Variants in CNTN4 observed in about 807,000 individuals in gnomAD.
CNTN4 encodes contactin 4, also known as contactin-4.
CNTN4 carries 77 observed loss-of-function variants against 122.5 expected under a neutral mutation model. That is an observed-to-expected ratio of 0.63 (90% CI 0.52 to 0.76). The LOEUF is 0.76. Ranked by LOEUF, CNTN4 falls within the 30% of genes least tolerant of loss-of-function variation. The pLI is 0.00. For missense variants in CNTN4, 1,256 were observed against 1,259.1 expected (o/e 1.00, Z 0.04); for synonymous variants, 512 against 447.0 (o/e 1.15, Z -1.83).
chr3:2,236,062 TTAAG>T (rs1182676741), intron 2 of CNTN4, among the ~76,000 whole-genome samples: 2 of 152,162 alleles, frequency 1.3e-5, no homozygotes, highest in Non-Finnish European at 2.9e-5. Context: ...TTGAGGGATG[TTAAG>T]TAAGTGCTTC....
chr3:2,657,131 G>C (rs1394140767), intron 4 of CNTN4, among the ~76,000 whole-genome samples: 1 of 152,182 alleles, frequency 6.6e-6, no homozygotes, highest in African/African-American at 2.4e-5. Context: ...ATGTCATGAA[G>C]TACTTGACCG....
At chr3:2,972,070 A>T (rs1692980531) in intron 13 of CNTN4, among the ~76,000 whole-genome samples, 1 of 152,178 alleles carries the variant, frequency 6.6e-6, no homozygotes, top group Non-Finnish European at 1.5e-5. Flanking sequence ...AATTTATGGC[A>T]TACTTTGTAG....
At chr3:2,744,612 G>A (rs190310118) in intron 5 of CNTN4, among the ~76,000 whole-genome samples, 148 of 152,216 alleles carry the variant, frequency 9.7e-4, no homozygotes, top group Admixed American at 3.2e-3. Context: ...TAAACGAATC[G>A]GATAGTGACT....
chr3:2,284,193 T>C (rs972808550), intron 2 of CNTN4, among the ~76,000 whole-genome samples: 7 of 152,080 alleles, frequency 4.6e-5, no homozygotes, highest in African/African-American at 4.8e-5. Flanking sequence ...GGGAAGAAAT[T>C]AGAATGATGC....
intron 4 of CNTN4, among the ~76,000 whole-genome samples, chr3:2,701,390 C>T (rs1370013555): frequency 2.0e-5 from 3 of 152,146 alleles, no homozygotes; most frequent in Admixed American, 1.3e-4. Context: ...AGGGAGAAGA[C>T]ATAAGTGAGG....
intron 2 of CNTN4, among the ~76,000 whole-genome samples, chr3:2,195,033 T>A (rs1217047095): frequency 6.6e-6 from 1 of 152,096 alleles, no homozygotes; most frequent in African/African-American, 2.4e-5. Flanking sequence ...CTCCAGTCTA[T>A]CTGAGACTTT....
At chr3:2,781,945 G>C (rs537866371) in intron 6 of CNTN4, among the ~76,000 whole-genome samples, 13 of 148,234 alleles carry the variant, frequency 8.8e-5, no homozygotes, top group South Asian at 2.2e-4. Flanking sequence ...GGATGGTCTC[G>C]ATCTCCTGAC....
chr3:2,407,906 A>T lies in CNTN4; in HGVS notation c.-89+68673A>T, dbSNP rs563021598. Among the ~76,000 whole-genome samples, 8 of 152,316 alleles carry T rather than the reference A, an allele frequency of 5.3e-5. No individual in the cohort carries two copies. In the South Asian group the frequency reaches 1.7e-3, roughly 32 times the overall value. On this transcript the variant is annotated intron_variant, in intron 3 of 24. Transcript: ENST00000418658. ...CTAAATTGTTGGCAGCCATACTCCT[A>T]ATAATACACGTATGTACATATCTGT...
At chr3:2,418,493 A>G (rs1237406953) in intron 3 of CNTN4, among the ~76,000 whole-genome samples, 1 of 152,216 alleles carries the variant, frequency 6.6e-6, no homozygotes, top group Non-Finnish European at 1.5e-5. Context: ...ATTAGATACA[A>G]TAGAATTTGC....
chr3:2,743,957 T>C (rs2089611923), intron 5 of CNTN4, among the ~76,000 whole-genome samples: 1 of 152,044 alleles, frequency 6.6e-6, no homozygotes, highest in Non-Finnish European at 1.5e-5. Context: ...ACTACAAGCA[T>C]GCATGCACCA....
intron 3 of CNTN4, among the ~76,000 whole-genome samples, chr3:2,400,430 T>TATATATATATATATATAC (rs2046810870): frequency 4.4e-5 from 3 of 68,554 alleles, no homozygotes; most frequent in Non-Finnish European, 8.7e-5. Context: ...TATATATACA[T>TATATATATATATATATAC]ATATATATAT....
intron 6 of CNTN4, among the ~76,000 whole-genome samples, chr3:2,804,340 G>T (rs1202722246): frequency 6.6e-6 from 1 of 152,076 alleles, no homozygotes; most frequent in Non-Finnish European, 1.5e-5. Flanking sequence ...AAAACCATCA[G>T]GTTATCTGGA....
At chr3:2,279,952 ATATC>A (rs1435497410) in intron 2 of CNTN4, among the ~76,000 whole-genome samples, 3 of 151,786 alleles carry the variant, frequency 2.0e-5, no homozygotes, top group Non-Finnish European at 2.9e-5. Flanking sequence ...CTCTAGATAT[ATATC>A]TAGCTCTTAT....
chr3:2,935,763 G>A (rs2094562323), intron 13 of CNTN4, among the ~76,000 whole-genome samples: 1 of 152,108 alleles, frequency 6.6e-6, no homozygotes, highest in East Asian at 1.9e-4. Context: ...TCCCTAAGAG[G>A]CTGAAAGGGC....
chr3:2,510,192 C>T (rs753480916), intron 3 of CNTN4, among the ~76,000 whole-genome samples: 4 of 152,148 alleles, frequency 2.6e-5, no homozygotes, highest in South Asian at 2.1e-4. Flanking sequence ...ATTTCACTCC[C>T]GTCACCCCAG....
intron 4 of CNTN4, among the ~76,000 whole-genome samples, chr3:2,648,231 C>G (rs997222694): frequency 6.6e-6 from 1 of 152,122 alleles, no homozygotes. Context: ...ACTTTACCAG[C>G]TTCTTCATCA....
chr3:2,114,872 C>T (rs1224052894), intron 2 of CNTN4, among the ~76,000 whole-genome samples: 1 of 152,180 alleles, frequency 6.6e-6, no homozygotes, highest in Non-Finnish European at 1.5e-5. Context: ...AGGTGCATTC[C>T]TTTGCTAATA....
At chr3:2,883,388 T>C in intron 9 of CNTN4, 141 bp downstream of exon 9, 1 of 686,910 alleles carries the variant, frequency 1.5e-6, no homozygotes, top group Admixed American at 2.1e-5. Flanking sequence ...TGTGTATGCA[T>C]CTTGGATTCT....
intron 3 of CNTN4, among the ~76,000 whole-genome samples, chr3:2,557,200 C>A (rs1322463783): frequency 1.3e-5 from 2 of 152,118 alleles, no homozygotes; most frequent in Non-Finnish European, 2.9e-5. Context: ...CTCCTACCAA[C>A]AATAGGCCTA....
Sources: allele counts gnomAD v4.1 joint callset (sites outside exome capture counted in the v4.1 genomes callset), GRCh38; gene constraint gnomAD v4.1.1; transcripts MANE v1.5; gene names NCBI Gene and HGNC (gene_info 2026-07-23, HGNC 2026-07-21).